Variants in ING5 observed in about 807,000 individuals in gnomAD.
ING5 encodes inhibitor of growth family member 5, also known as inhibitor of growth protein 5.
A neutral mutation model predicts 37.4 loss-of-function variants in ING5; 17 were observed. The observed-to-expected ratio is 0.45, with a 90% confidence interval of 0.31 to 0.68. The LOEUF (loss-of-function observed/expected upper bound fraction) is 0.68. Among genes scored for constraint, ING5 ranks in the 30% least tolerant of loss-of-function variants. The pLI is 0.05. For synonymous variants in ING5, 123 were observed against 116.6 expected (o/e 1.06, Z -0.36); for missense variants, 233 against 311.9 (o/e 0.75, Z 1.91).
rs145377118 is a variant in ING5 at position 241,716,307 on chromosome 2, A to G, written c.482+4236A>G. 8.9e-3 allele frequency among the ~76,000 whole-genome samples: 941 copies of G among 105,326 alleles called. 15 individuals are homozygous for G. Among genetic ancestry groups the G allele is most frequent in the African/African-American group, 0.035 (902 of 25,876 alleles). 69.1% of individuals were successfully genotyped at this position (105,326 alleles called of 152,430 possible). The stretch of plus-strand genomic sequence containing the variant: ...TTTTTTTTTTTTTTTTTTTTTTGAG[A>G]CGGAGTCTTGCACTGTTGCCCAGGC... On this transcript the variant is annotated intron_variant, in intron 5 of 7. Coordinates refer to ENST00000313552, the MANE Select transcript of ING5 (RefSeq NM_032329.6).
At chr2:241,704,234 T>C (rs1319789869) in intron 1 of ING5, among the ~76,000 whole-genome samples, 1 of 152,188 alleles carries the variant, frequency 6.6e-6, no homozygotes, top group Non-Finnish European at 1.5e-5. Flanking sequence ...CCGCAAACCC[T>C]GACAGAGACA....
At chr2:241,716,308 CG>C (rs1307294324) in intron 5 of ING5, among the ~76,000 whole-genome samples, 1 of 110,568 alleles carries the variant, frequency 9.0e-6, no homozygotes, top group Non-Finnish European at 1.7e-5. Flanking sequence ...TTTTTTGAGA[CG>C]GAGTCTTGCA....
chr2:241,701,647 C>T (rs1454337530), upstream of ING5, among the ~76,000 whole-genome samples: 1 of 152,158 alleles, frequency 6.6e-6, no homozygotes, highest in African/African-American at 2.4e-5. Context: ...GGCGGCCTGT[C>T]CGGGACCCGG....
At chr2:241,699,038 T>TGGGGGG (rs570586792), upstream of ING5, among the ~76,000 whole-genome samples, 1,069 of 137,846 alleles carry the variant, frequency 7.8e-3, 11 homozygotes, top group Middle Eastern at 0.024. Context: ...AATTTTTTTT[T>TGGGGGG]GGGGGGGGAG....
chr2:241,702,459 C>G (rs1020073831), intron 1 of ING5, among the ~76,000 whole-genome samples: 39 of 152,058 alleles, frequency 2.6e-4, no homozygotes, highest in Non-Finnish European at 4.1e-4. Flanking sequence ...CCCGGCCCCG[C>G]CAGGTCCCGC....
chr2:241,689,887 G>A (rs2069523388), exon 2 of ING5: 2 of 151,468 alleles, frequency 1.3e-5, no homozygotes, highest in African/African-American at 4.9e-5. Flanking sequence ...AGGATGAAGG[G>A]GATTGTAGTA....
intron 4 of ING5, 34 bp downstream of exon 4, chr2:241,711,522 A>G (rs758565220): frequency 2.1e-6 from 3 of 1,404,616 alleles, no homozygotes; most frequent in East Asian, 4.6e-5. Flanking sequence ...TTATTTTATT[A>G]CTGTTAACTA....
intron 5 of ING5, chr2:241,720,057 G>T (rs532269044): frequency 1.6e-6 from 2 of 1,241,698 alleles, no homozygotes; most frequent in East Asian, 3.1e-5. Flanking sequence ...TGACGTCCAA[G>T]GCGCCAAGGA....
At chr2:241,709,124 A>G (rs1173007369) in intron 2 of ING5, 92 bp from the exon 3 acceptor site, 5 of 1,375,010 alleles carry the variant, frequency 3.6e-6, no homozygotes, top group East Asian at 2.3e-5. Flanking sequence ...CTTTGCCACA[A>G]CTTGGCGTTG....
At chr2:241,716,126 T>C (rs2070261117) in intron 5 of ING5, among the ~76,000 whole-genome samples, 1 of 151,834 alleles carries the variant, frequency 6.6e-6, no homozygotes, top group African/African-American at 2.4e-5. Context: ...GGTCTGTTCA[T>C]ATTTAACATA....
Position 241,726,008 on chromosome 2 carries a change from T to A in ING5, c.*977T>A, listed in dbSNP as rs920548111. On this transcript the variant is annotated 3_prime_UTR_variant, in exon 8 of 8. Transcript: ENST00000313552. ...TGAAGCTAGGAAACTCGAGTGTGCT[T>A]TTTGTTTAATGAGCGTTCACCAAGC... The A allele has an allele frequency of 1.3e-5, 2 of 152,662 alleles. No homozygotes were observed. The highest frequency in any genetic ancestry group is 2.4e-5 in the African/African-American group (1 of 41,458). 9.5% of individuals were successfully genotyped at this position (152,662 alleles called of 1,614,324 possible). A position where few individuals can be genotyped will look rare whatever the true frequency, so the allele number is the denominator to read the frequency against.
At chr2:241,711,914 A>T (rs1351151622) in intron 4 of ING5, 64 bp from the exon 5 acceptor site, 1 of 1,422,722 alleles carries the variant, frequency 7.0e-7, no homozygotes, top group African/African-American at 1.5e-5. Flanking sequence ...TAAAAACAAA[A>T]CACAAAACTT....
intron 5 of ING5, among the ~76,000 whole-genome samples, chr2:241,716,148 G>A (rs1215158393): frequency 6.6e-6 from 1 of 151,714 alleles, no homozygotes; most frequent in African/African-American, 2.4e-5. Context: ...TTAATGATAT[G>A]GTGGGATTTA....
chr2:241,688,249 T>C (rs981507885), intron 1 of ING5, among the ~76,000 whole-genome samples: 1 of 152,202 alleles, frequency 6.6e-6, no homozygotes, highest in African/African-American at 2.4e-5. Flanking sequence ...TTCGAGGCGA[T>C]TATTCTTGGG....
intron 2 of ING5, among the ~76,000 whole-genome samples, chr2:241,692,565 G>A (rs1252026993): frequency 6.6e-6 from 1 of 151,780 alleles, no homozygotes; most frequent in Non-Finnish European, 1.5e-5. Flanking sequence ...GCCTCCTGAA[G>A]CCCTGGGATT....
At chr2:241,702,534 C>G (rs933171732) in intron 1 of ING5, among the ~76,000 whole-genome samples, 1 of 150,642 alleles carries the variant, frequency 6.6e-6, no homozygotes, top group African/African-American at 2.4e-5. Context: ...TTGGGGGCTC[C>G]GGGGTCTGGG....
chr2:241,719,748 C>T (rs1329707876), intron 5 of ING5: 1 of 1,453,872 alleles, frequency 6.9e-7, no homozygotes, highest in African/African-American at 1.4e-5. Flanking sequence ...GCCAGCACCT[C>T]TGCAAACACA....
rs1238375561 is a variant in ING5 at position 241,712,054 on chromosome 2, A to G, written c.465A>G (p.Lys155=). ...RRTSEEDTPK[K]KKHKGGSEFT... ...CATCAGAGGAAGACACACCAAAGAAAAAGAAGCACAAAGGAGGGTAAGAGG... is the reference window on the plus strand; with the variant it reads ...CATCAGAGGAAGACACACCAAAGAAGAAGAAGCACAAAGGAGGGTAAGAGG... The change falls in exon 5 of 8, where the codon AAA becomes AAG. Residue 155 remains lysine (K), a synonymous_variant. Transcript: ENST00000313552. The G allele has an allele frequency of 6.2e-7, 1 of 1,610,706 alleles. No individual in the cohort carries two copies.
At chr2:241,723,408 T>G (rs1382985530) in intron 7 of ING5, 137 bp downstream of exon 7, 2 of 952,134 alleles carry the variant, frequency 2.1e-6, no homozygotes, top group Non-Finnish European at 3.4e-6. Context: ...CATGCCCCAC[T>G]GTGGCCTCAA....
Sources: gnomAD v4.1 joint callset for allele counts (sites outside exome capture counted in the v4.1 genomes callset) on GRCh38, gnomAD v4.1.1 for gene constraint, MANE v1.5 for transcripts, NCBI Gene and HGNC (gene_info 2026-07-23, HGNC 2026-07-21) for gene names.